Variants in TLN2 observed in about 807,000 individuals in gnomAD.
TLN2 encodes talin 2, also known as talin-2.
In TLN2, 118 loss-of-function variants were observed where a neutral mutation model predicts 294.7. The observed-to-expected ratio is 0.40, with a 90% CI of 0.34 to 0.47. The LOEUF (loss-of-function observed/expected upper bound fraction) is 0.47. TLN2 is among the 20% of genes least tolerant of loss of function. TLN2 has a pLI of 0.84. For missense variants in TLN2, 3,083 were observed against 3,282.2 expected, an observed-to-expected ratio of 0.94 and a Z score of 1.48; for synonymous variants, 1,431 against 1,304.5, an observed-to-expected ratio of 1.10 and a Z score of -2.09.
intron 1 of TLN2, among the ~76,000 whole-genome samples, chr15:62,586,037 ATAC>A (rs376631145): frequency 0.16 from 24,095 of 152,228 alleles, 2,377 homozygotes; most frequent in East Asian, 0.38. Flanking sequence ...AGGTTAAGGC[ATAC>A]CAAGCCGGAT....
intron 11 of TLN2, among the ~76,000 whole-genome samples, chr15:62,677,997 G>T (rs1567329661): frequency 6.6e-6 from 1 of 151,726 alleles, no homozygotes; most frequent in Non-Finnish European, 1.5e-5. Context: ...GTTTCTCCAT[G>T]TTGGTCAGGC....
chr15:62,551,025 G>A (rs540472324), intron 1 of TLN2, among the ~76,000 whole-genome samples: 1 of 152,242 alleles, frequency 6.6e-6, no homozygotes, highest in African/African-American at 2.4e-5. Context: ...GTCCCATCTG[G>A]GGTTGATGGG....
At chr15:62,781,609 AG>A (rs373263414) in intron 44 of TLN2, among the ~76,000 whole-genome samples, 28 of 152,216 alleles carry the variant, frequency 1.8e-4, no homozygotes, top group African/African-American at 6.8e-4. Context: ...AGGTGTTTTT[AG>A]TAGATTAAAA....
chr15:62,535,491 C>CA (rs397820173), intron 1 of TLN2, among the ~76,000 whole-genome samples: 311 of 150,742 alleles, frequency 2.1e-3, no homozygotes, highest in Non-Finnish European at 3.1e-3. Context: ...CACACACACA[C>CA]CCCTCTCTCT....
chr15:62,654,907 C>T lies in TLN2; in HGVS notation c.518-1037C>T, dbSNP rs545891574. On this transcript the variant is annotated intron_variant, in intron 7 of 58. Transcript: ENST00000636159. ...GTTTGCACCTTGCTGCCTGACCCTC[C>T]ACTGAAAGGGTCTTAATTTATTACC... is the stretch of plus-strand genomic sequence containing the variant. Among the ~76,000 whole-genome samples, 16 of 152,204 alleles carry T rather than the reference C, an allele frequency of 1.1e-4. No individual in the cohort carries two copies. The South Asian group carries it at 3.3e-3, about 32-fold the overall frequency.
chr15:62,733,875 C>G (rs2060863430), intron 28 of TLN2: 1 of 152,232 alleles, frequency 6.6e-6, no homozygotes, highest in Admixed American at 6.5e-5. Context: ...ACTACAGGAA[C>G]AGTTCCATTC....
At chr15:62,641,249 C>T (rs1188918755) in intron 3 of TLN2, among the ~76,000 whole-genome samples, 2 of 152,112 alleles carry the variant, frequency 1.3e-5, no homozygotes, top group South Asian at 2.1e-4. Flanking sequence ...ATATTTGTAG[C>T]TCAGATAGTG....
chr15:62,836,310 C>G lies in TLN2; in HGVS notation c.7374+237C>G, dbSNP rs151094528. ...GCCCTGGGGCCCTGCTCCTCGCCAG[C>G]CCAACCCAGCAGACCCCTACTTGTC... On this transcript the variant is annotated intron_variant, in intron 57 of 58. Transcript: ENST00000636159. Among the ~76,000 whole-genome samples, 203 of 152,368 alleles carry G rather than the reference C, an allele frequency of 1.3e-3. 1 individual carries two copies. The highest frequency in any genetic ancestry group is 4.8e-3 in the African/African-American group (199 of 41,586).
chr15:62,838,216 T>C (rs1291270409), intron 57 of TLN2: 1 of 152,108 alleles, frequency 6.6e-6, no homozygotes, highest in Admixed American at 6.6e-5. Context: ...CACAGAGGGG[T>C]AGCCCTTCAT....
chr15:62,666,211 C>G (rs2054617481), intron 9 of TLN2, among the ~76,000 whole-genome samples: 1 of 152,128 alleles, frequency 6.6e-6, no homozygotes, highest in African/African-American at 2.4e-5. Flanking sequence ...AAATCCAGTT[C>G]TTAGTTTCTC....
At chr15:62,546,796 G>A (rs369551090) in intron 1 of TLN2, among the ~76,000 whole-genome samples, 27 of 152,180 alleles carry the variant, frequency 1.8e-4, no homozygotes, top group African/African-American at 6.5e-4. Context: ...TTACAATAAA[G>A]CTCAACCTTG....
chr15:62,827,298 G>T (rs891669351), intron 54 of TLN2, among the ~76,000 whole-genome samples: 2 of 152,170 alleles, frequency 1.3e-5, no homozygotes, highest in Admixed American at 6.5e-5. Flanking sequence ...GAGGAGGAGC[G>T]GGGGCAGTGG....
chr15:62,821,911 T>C (rs1283782011), intron 54 of TLN2, among the ~76,000 whole-genome samples: 2 of 152,192 alleles, frequency 1.3e-5, no homozygotes, highest in Non-Finnish European at 2.9e-5. Context: ...AACTAAGATT[T>C]AGAGGTTTGG....
chr15:62,759,623 G>A (rs2141016872), intron 37 of TLN2, among the ~76,000 whole-genome samples: 1 of 152,340 alleles, frequency 6.6e-6, no homozygotes, highest in East Asian at 1.9e-4. Context: ...TGTGGGAGCA[G>A]AAAGGGGAAG....
At chr15:62,450,963 TG>T (rs1248550433) in intron 1 of TLN2, among the ~76,000 whole-genome samples, 1 of 150,408 alleles carries the variant, frequency 6.6e-6, no homozygotes, top group East Asian at 1.9e-4. Flanking sequence ...TACAGTTGCC[TG>T]GAGTTCTCTC....
chr15:62,555,516 A>G (rs1241782688), intron 1 of TLN2, among the ~76,000 whole-genome samples: 1 of 152,198 alleles, frequency 6.6e-6, no homozygotes, highest in Non-Finnish European at 1.5e-5. Context: ...TGTTTATGAA[A>G]TATAGGTTTT....
At chr15:62,701,310 C>A in intron 17 of TLN2, 96 bp downstream of exon 17, 2 of 1,035,782 alleles carry the variant, frequency 1.9e-6, no homozygotes, top group Non-Finnish European at 2.8e-6. Flanking sequence ...TTGATTGAAA[C>A]AATAGACTTT....
rs189497245 is a variant in TLN2, at chr15:62,496,346, G to A, written c.-237-93341G>A. Among the ~76,000 whole-genome samples the A allele has an allele frequency of 2.4e-4, 34 of 140,282 alleles. 1 individual carries two copies. The highest frequency in any genetic ancestry group is 6.7e-4 in the African/African-American group (24 of 35,844). 92.0% of individuals were successfully genotyped at this position (140,282 alleles called of 152,430 possible). On this transcript the variant is annotated intron_variant, in intron 1 of 58. Coordinates refer to ENST00000636159, the MANE Select transcript of TLN2 (RefSeq NM_015059.3). ...GCCTGGCTGTGCCTCAGCATCACCCGTACAGCTTAAAAAGAAATTACACGG... is the reference window on the plus strand; with the variant it reads ...GCCTGGCTGTGCCTCAGCATCACCCATACAGCTTAAAAAGAAATTACACGG...
intron 2 of TLN2, among the ~76,000 whole-genome samples, chr15:62,613,619 C>A (rs980390771): frequency 2.0e-5 from 3 of 152,152 alleles, no homozygotes; most frequent in Non-Finnish European, 4.4e-5. Context: ...CAAAGACTTT[C>A]ACATGAACGT....
Sources: allele counts gnomAD v4.1 joint callset (sites outside exome capture counted in the v4.1 genomes callset), GRCh38; gene constraint gnomAD v4.1.1; transcripts MANE v1.5; gene names NCBI Gene and HGNC (gene_info 2026-07-23, HGNC 2026-07-21).